Variants in LRP1B observed in about 807,000 individuals in gnomAD.
The protein encoded by LRP1B is low-density lipoprotein receptor-related protein 1B.
LRP1B carries 217 observed loss-of-function variants against 556.6 expected under a neutral mutation model. The observed-to-expected ratio is 0.39, with a 90% confidence interval of 0.35 to 0.44. The LOEUF (loss-of-function observed/expected upper bound fraction) is 0.44, where lower values mean the gene tolerates loss of function less well. Ranked by LOEUF, LRP1B falls within the 20% of genes least tolerant of loss-of-function variation. The pLI is 1.00. For missense variants in LRP1B, 5,053 were observed against 5,620.8 expected (o/e 0.90, Z 3.23); for synonymous variants, 2,047 against 1,865.8 (o/e 1.10, Z -2.50).
intron 6 of LRP1B, among the ~76,000 whole-genome samples, chr2:141,192,530 T>G (rs1681561848): frequency 1.3e-5 from 2 of 151,940 alleles, no homozygotes; most frequent in Non-Finnish European, 2.9e-5. Flanking sequence ...CCCTTATTGC[T>G]TTACTGTTAC....
chr2:141,465,140 T>TA (rs1682132332), intron 3 of LRP1B, among the ~76,000 whole-genome samples: 1 of 152,144 alleles, frequency 6.6e-6, no homozygotes, highest in Non-Finnish European at 1.5e-5. Flanking sequence ...AAAACACAGT[T>TA]AAAATCAATG....
intron 84 of LRP1B, among the ~76,000 whole-genome samples, chr2:140,287,927 G>A (rs1683217830): frequency 6.6e-6 from 1 of 151,172 alleles, no homozygotes. Context: ...AAAATGTAGT[G>A]GATTAAAAAA....
At chr2:141,984,182 A>G (rs1702121205) in intron 1 of LRP1B, among the ~76,000 whole-genome samples, 1 of 152,226 alleles carries the variant, frequency 6.6e-6, no homozygotes, top group South Asian at 2.1e-4. Context: ...ATTATACTTT[A>G]AGTTTTAGGG....
At chr2:141,687,802 G>C (rs1344978104) in intron 2 of LRP1B, among the ~76,000 whole-genome samples, 1 of 151,802 alleles carries the variant, frequency 6.6e-6, no homozygotes, top group African/African-American at 2.4e-5. Context: ...AACTTCCATA[G>C]TAAGTCCTCT....
chr2:142,080,949 T>C (rs2104930605), intron 1 of LRP1B, among the ~76,000 whole-genome samples: 1 of 152,270 alleles, frequency 6.6e-6, no homozygotes, highest in South Asian at 2.1e-4. Context: ...CTACTTCCAG[T>C]AGGGATTTCA....
At chr2:140,594,971 C>A (rs968469302) in intron 43 of LRP1B, among the ~76,000 whole-genome samples, 1 of 151,104 alleles carries the variant, frequency 6.6e-6, no homozygotes, top group African/African-American at 2.4e-5. Context: ...CTTTCTAAAT[C>A]TATAGTTTTT....
chr2:141,832,170 T>A (rs918586286), intron 1 of LRP1B, among the ~76,000 whole-genome samples: 1 of 151,724 alleles, frequency 6.6e-6, no homozygotes, highest in African/African-American at 2.4e-5. Context: ...ATCACTCAAT[T>A]TTTAAAAAAT....
In LRP1B at chr2:141,556,994, G is replaced by A. The variant is rs192574358; in HGVS notation, c.206-76461C>T. Among the ~76,000 whole-genome samples the A allele has an allele frequency of 2.0e-3, 302 of 151,842 alleles. 3 individuals are homozygous for A. The highest frequency in any genetic ancestry group is 2.4e-4 in the Non-Finnish European group (16 of 67,858). ...CATTCCTCTTCCCAGAGGATTGGAT[G>A]TAAATAATATTTACATTGATAGTCA... On this transcript the variant is annotated intron_variant, in intron 2 of 90. Transcript: ENST00000389484.
At chr2:140,408,578 A>G (rs2105242488) in intron 66 of LRP1B, among the ~76,000 whole-genome samples, 1 of 152,084 alleles carries the variant, frequency 6.6e-6, no homozygotes, top group South Asian at 2.1e-4. Flanking sequence ...AAGGATGGGG[A>G]ATCCTATTAT....
intron 2 of LRP1B, among the ~76,000 whole-genome samples, chr2:141,753,370 T>C (rs1313828740): frequency 6.7e-6 from 1 of 150,206 alleles, no homozygotes. Flanking sequence ...CCTGTTCCAG[T>C]TGTATTCTCC....
chr2:141,232,882 G>A (rs1271415349), intron 5 of LRP1B, among the ~76,000 whole-genome samples: 5 of 152,100 alleles, frequency 3.3e-5, no homozygotes, highest in African/African-American at 7.2e-5. Flanking sequence ...ACTGAAACAC[G>A]AGAAACCACA....
At position 141,923,403 on chromosome 2, in the gene LRP1B, C is replaced by CTATATATATATACA. The variant is rs375322859; in HGVS notation, c.83-113003_83-113002insTGTATATATATATA. On this transcript the variant is annotated intron_variant, in intron 1 of 90. Transcript: ENST00000389484. ...ATTTTTAATGAAATTATCTCTGTCA[C>CTATATATATATACA]TATATATATATATATATATAGTGAC... Among the ~76,000 whole-genome samples, 7 of 102,100 alleles carry CTATATATATATACA rather than the reference C, an allele frequency of 6.9e-5. 1 individual carries two copies. Among genetic ancestry groups the CTATATATATATACA allele is most frequent in the African/African-American group, 2.8e-4 (7 of 25,048 alleles). 67.0% of individuals were successfully genotyped at this position (102,100 alleles called of 152,430 possible). A position where few individuals can be genotyped will look rare whatever the true frequency, so the allele number is the denominator to read the frequency against.
At chr2:141,845,149 G>A (rs753431239) in intron 1 of LRP1B, among the ~76,000 whole-genome samples, 4 of 151,364 alleles carry the variant, frequency 2.6e-5, no homozygotes, top group Non-Finnish European at 5.9e-5. Flanking sequence ...TCACTAACAG[G>A]TATTTTAAGA....
intron 2 of LRP1B, among the ~76,000 whole-genome samples, chr2:141,571,404 G>C (rs7576298): frequency 0.082 from 12,434 of 151,050 alleles, 1,087 homozygotes; most frequent in South Asian, 0.14. Flanking sequence ...ATGCCCCAAC[G>C]AAAACCTCAT....
chr2:140,420,572 T>A (rs1183871410), intron 66 of LRP1B, among the ~76,000 whole-genome samples: 1 of 152,242 alleles, frequency 6.6e-6, no homozygotes, highest in African/African-American at 2.4e-5. Flanking sequence ...TCATAGCAGT[T>A]TGATTTGCAA....
chr2:141,698,593 C>T (rs189380300), intron 2 of LRP1B, among the ~76,000 whole-genome samples: 23 of 151,724 alleles, frequency 1.5e-4, no homozygotes, highest in Admixed American at 1.5e-3. Flanking sequence ...CACCTATCTT[C>T]AAGCTATGTT....
intron 41 of LRP1B, among the ~76,000 whole-genome samples, chr2:140,644,408 T>TG (rs1196353940): frequency 6.7e-6 from 1 of 150,168 alleles, no homozygotes; most frequent in Non-Finnish European, 1.5e-5. Flanking sequence ...TTTCTTTTTT[T>TG]TTTTTTTTTG....
chr2:141,580,881 A>G (rs1228869317), intron 2 of LRP1B, among the ~76,000 whole-genome samples: 8 of 152,208 alleles, frequency 5.3e-5, no homozygotes, highest in Admixed American at 5.2e-4. Flanking sequence ...GGCAGTAATT[A>G]CACATTGAAA....
chr2:141,989,508 C>A (rs756056434), intron 1 of LRP1B, among the ~76,000 whole-genome samples: 1 of 152,020 alleles, frequency 6.6e-6, no homozygotes, highest in East Asian at 1.9e-4. Context: ...ATTTTATATT[C>A]TTTTAAGCTA....
Sources: allele counts gnomAD v4.1 joint callset (sites outside exome capture counted in the v4.1 genomes callset), GRCh38; gene constraint gnomAD v4.1.1; transcripts MANE v1.5; gene names NCBI Gene and HGNC (gene_info 2026-07-23, HGNC 2026-07-21).